Variants in CAMK4 observed in about 807,000 individuals in gnomAD.
CAMK4 encodes the protein calcium/calmodulin dependent protein kinase IV, also known as calcium/calmodulin-dependent protein kinase type IV.
In CAMK4, 22 loss-of-function variants were observed where a neutral mutation model predicts 44.9. The ratio of observed to expected loss-of-function variants is 0.49; its 90% CI spans 0.35 to 0.70. The LOEUF is 0.70. CAMK4 is among the 30% of genes least tolerant of loss of function. CAMK4 has a pLI of 0.01. For missense variants in CAMK4, 498 were observed against 586.8 expected (o/e 0.85, Z 1.56); for synonymous variants, 218 against 215.4 (o/e 1.01, Z -0.11).
At chr5:111,225,433 G>A (rs565897896) in intron 1 of CAMK4, among the ~76,000 whole-genome samples, 2 of 151,818 alleles carry the variant, frequency 1.3e-5, no homozygotes, top group East Asian at 1.9e-4. Context: ...TGTATCCATT[G>A]AAAATTATAG....
chr5:111,429,350 G>A (rs1262777443), intron 5 of CAMK4, among the ~76,000 whole-genome samples: 2 of 152,092 alleles, frequency 1.3e-5, no homozygotes, highest in East Asian at 1.9e-4. Flanking sequence ...GTGCTACTGC[G>A]AGCAACTACA....
chr5:111,320,399 G>A (rs1748611034), intron 1 of CAMK4, among the ~76,000 whole-genome samples: 1 of 152,170 alleles, frequency 6.6e-6, no homozygotes, highest in East Asian at 1.9e-4. Flanking sequence ...AAGCTATGGA[G>A]TAGAAACGGA....
At chr5:111,299,297 C>T (rs1747621662) in intron 1 of CAMK4, among the ~76,000 whole-genome samples, 1 of 152,212 alleles carries the variant, frequency 6.6e-6, no homozygotes, top group Non-Finnish European at 1.5e-5. Context: ...CTGGGAGCCA[C>T]TATTGTCTAT....
intron 5 of CAMK4, among the ~76,000 whole-genome samples, chr5:111,406,021 C>T (rs1286853911): frequency 1.3e-5 from 2 of 151,586 alleles, no homozygotes; most frequent in Non-Finnish European, 2.9e-5. Flanking sequence ...TCAATGAGAA[C>T]TTTTCATCAA....
At chr5:111,394,068 A>G (rs1751908056) in intron 4 of CAMK4, among the ~76,000 whole-genome samples, 2 of 152,130 alleles carry the variant, frequency 1.3e-5, no homozygotes, top group South Asian at 4.1e-4. Flanking sequence ...TTAAAAAATA[A>G]TAAGAGATAC....
intron 2 of CAMK4, among the ~76,000 whole-genome samples, chr5:111,373,148 A>G (rs1751075155): frequency 6.6e-6 from 1 of 152,214 alleles, no homozygotes; most frequent in African/African-American, 2.4e-5. Flanking sequence ...TAGCAAGAAT[A>G]TATTAAAACA....
At chr5:111,380,558 T>C (rs1304423033) in intron 4 of CAMK4, among the ~76,000 whole-genome samples, 1 of 152,140 alleles carries the variant, frequency 6.6e-6, no homozygotes, top group Non-Finnish European at 1.5e-5. Flanking sequence ...TTTTCCCCAC[T>C]ATGTGTCCAT....
At chr5:111,458,801 C>T (rs1392341966) in intron 7 of CAMK4, among the ~76,000 whole-genome samples, 2 of 152,066 alleles carry the variant, frequency 1.3e-5, no homozygotes, top group Non-Finnish European at 2.9e-5. Flanking sequence ...GGATGGGGCA[C>T]ACTAATCCTG....
At position 111,344,126 on chromosome 5, in the gene CAMK4, G is replaced by A. The variant is rs192060841; in HGVS notation, c.240+24G>A. ...CAGTAAGTTTATTTCTTATATAATG[G>A]CATCTCTAAGGGGCCTGTGACCTGG... On this transcript the variant is annotated intron_variant, in intron 2 of 10. Coordinates refer to ENST00000282356, the MANE Select transcript of CAMK4 (RefSeq NM_001744.6). The A allele has an allele frequency of 7.3e-6, 10 of 1,366,310 alleles. No homozygotes were observed. In the East Asian group the frequency reaches 1.8e-4, roughly 25 times the overall value. 84.6% of individuals were successfully genotyped at this position (1,366,310 alleles called of 1,614,324 possible). A position where few individuals can be genotyped will look rare whatever the true frequency, so the allele number is the denominator to read the frequency against.
chr5:111,320,880 C>T (rs1205720054), intron 1 of CAMK4, among the ~76,000 whole-genome samples: 1 of 152,206 alleles, frequency 6.6e-6, no homozygotes, highest in Non-Finnish European at 1.5e-5. Context: ...AAGATGCATC[C>T]TGCAGCCATA....
chr5:111,485,524 AG>A lies in CAMK4; in HGVS notation c.*1059del, dbSNP rs1755582753. 6.6e-6 allele frequency: 1 copy of A among 152,052 alleles called. No homozygotes were observed. Among genetic ancestry groups the A allele is most frequent in the African/African-American group, 2.4e-5 (1 of 41,420 alleles). 9.4% of individuals were successfully genotyped at this position (152,052 alleles called of 1,614,324 possible). On this transcript the variant is annotated 3_prime_UTR_variant, in exon 11 of 11. Transcript: ENST00000282356. The stretch of plus-strand genomic sequence containing the variant: ...GTAAGAAAACATTATTGTTTATCAA[AG>A]CTCTTTTTTTATCCAATTGATGGTT...
At position 111,224,735 on chromosome 5, in the gene CAMK4, C is replaced by G; in HGVS notation, c.161+91C>G. On this transcript the variant is annotated intron_variant, in intron 1 of 10. Transcript: ENST00000282356. The surrounding 1 kb of genome is among the most constrained non-coding windows in gnomAD (Gnocchi z 5.7). ...CGGCTCGGAGGGTGCGGGAGCCTGC[C>G]TTCGTGCCCTTCGATTTCTCCCTAC... The G allele has an allele frequency of 8.2e-7, 1 of 1,223,088 alleles. No homozygotes were observed. The highest frequency in any genetic ancestry group is 1.5e-5 in the African/African-American group (1 of 64,582). The allele number at this position is 1,223,088 out of a possible 1,614,324, so 75.8% of individuals were successfully genotyped here.
chr5:111,291,140 T>G (rs1451275580), intron 1 of CAMK4, among the ~76,000 whole-genome samples: 1 of 152,224 alleles, frequency 6.6e-6, no homozygotes. Flanking sequence ...GTAGGAGATA[T>G]ATTTATTATG....
chr5:111,255,273 C>T (rs1004500423), intron 1 of CAMK4, among the ~76,000 whole-genome samples: 19 of 152,156 alleles, frequency 1.2e-4, no homozygotes, highest in African/African-American at 4.6e-4. Context: ...TCATCACTTC[C>T]ATTGGATCTG....
chr5:111,357,970 A>G (rs149014500), intron 2 of CAMK4: 143 of 152,214 alleles, frequency 9.4e-4, no homozygotes, highest in African/African-American at 3.2e-3. Flanking sequence ...TATAGATGCC[A>G]TGAAGGCCCT....
chr5:111,451,963 A>G (rs1372248003), intron 7 of CAMK4, among the ~76,000 whole-genome samples: 1 of 152,222 alleles, frequency 6.6e-6, no homozygotes, highest in African/African-American at 2.4e-5. Flanking sequence ...TATACTCAAT[A>G]TTAACAGCCT....
intron 1 of CAMK4, among the ~76,000 whole-genome samples, chr5:111,302,001 A>C (rs1473153181): frequency 1.3e-5 from 2 of 152,244 alleles, no homozygotes; most frequent in African/African-American, 2.4e-5. Flanking sequence ...TGGCATTAGA[A>C]TTCGGTGAGG....
intron 4 of CAMK4, among the ~76,000 whole-genome samples, chr5:111,383,673 G>A (rs1483757806): frequency 6.8e-6 from 1 of 146,438 alleles, no homozygotes; most frequent in Non-Finnish European, 1.5e-5. Context: ...CACCATGTTC[G>A]CCAGGATGGT....
chr5:111,335,258 A>G (rs1307656761), intron 1 of CAMK4, among the ~76,000 whole-genome samples: 1 of 151,494 alleles, frequency 6.6e-6, no homozygotes, highest in East Asian at 2.0e-4. Flanking sequence ...CTCCCTTAAT[A>G]GGAGAATGCC....
Sources: gnomAD v4.1 joint callset for allele counts (sites outside exome capture counted in the v4.1 genomes callset) on GRCh38, gnomAD v4.1.1 for gene constraint, Gnocchi (gnomAD v3.1) non-coding constraint, MANE v1.5 for transcripts, NCBI Gene and HGNC (gene_info 2026-07-23, HGNC 2026-07-21) for gene names.